POU2F1: variants seen among roughly 807,000 people sequenced by gnomAD.
The protein encoded by POU2F1 is POU class 2 homeobox 1.
A neutral mutation model predicts 84.9 loss-of-function variants in POU2F1; 16 were observed. The ratio of observed to expected loss-of-function variants is 0.19; its 90% CI spans 0.13 to 0.29. The LOEUF (loss-of-function observed/expected upper bound fraction) is 0.29, where lower values mean the gene tolerates loss of function less well. Among genes scored for constraint, POU2F1 ranks in the 10% least tolerant of loss-of-function variants. The pLI, the probability that POU2F1 is intolerant of heterozygous loss-of-function variation, is 1.00. For missense variants in POU2F1, 738 were observed against 942.6 expected (o/e 0.78, Z 2.84); for synonymous variants, 368 against 368.3 (o/e 1.00, Z 0.01).
At chr1:167,285,460 C>T (rs1653459522) in intron 1 of POU2F1, among the ~76,000 whole-genome samples, 1 of 152,102 alleles carries the variant, frequency 6.6e-6, no homozygotes, top group Non-Finnish European at 1.5e-5. Flanking sequence ...GGCGCAGCAG[C>T]AGGCGCCTGT....
At chr1:167,368,300 T>C (rs1488753555) in intron 3 of POU2F1, among the ~76,000 whole-genome samples, 5 of 152,058 alleles carry the variant, frequency 3.3e-5, no homozygotes, top group Non-Finnish European at 5.9e-5. Flanking sequence ...AAGTTATGCA[T>C]TTTTGAAAGG....
rs557139792 is a variant in POU2F1 at position 167,358,024 on chromosome 1, G to C, written c.128-7443G>C. Among the ~76,000 whole-genome samples, 14 of 151,324 alleles carry C rather than the reference G, an allele frequency of 9.3e-5. No individual in the cohort carries two copies. The East Asian group carries it at 2.7e-3, about 29-fold the overall frequency. On this transcript the variant is annotated intron_variant, in intron 2 of 15. Coordinates refer to ENST00000367866, the MANE Select transcript of POU2F1 (RefSeq NM_002697.4). ...TCACCGTGTTGGCCAGGATGGTCTC[G>C]ATCTCTTGACCTCGTGATCTGCCTG...
intron 1 of POU2F1, among the ~76,000 whole-genome samples, chr1:167,279,894 A>G (rs1652995749): frequency 6.6e-6 from 1 of 152,150 alleles, no homozygotes; most frequent in Non-Finnish European, 1.5e-5. Context: ...CTGACTTGAC[A>G]AAATGATTTG....
At chr1:167,241,498 T>G (rs1319655839) in intron 1 of POU2F1, 1 of 152,172 alleles carries the variant, frequency 6.6e-6, no homozygotes, top group Non-Finnish European at 1.5e-5. Context: ...AATTTTTCAG[T>G]GGATAAAGAA....
At chr1:167,345,506 G>A (rs1053343254) in intron 2 of POU2F1, among the ~76,000 whole-genome samples, 2 of 152,200 alleles carry the variant, frequency 1.3e-5, no homozygotes, top group Non-Finnish European at 2.9e-5. Flanking sequence ...TTGTAGCAAA[G>A]TGTCATAATC....
intron 8 of POU2F1, among the ~76,000 whole-genome samples, chr1:167,386,761 A>G (rs1015911804): frequency 1.3e-5 from 2 of 152,222 alleles, no homozygotes; most frequent in African/African-American, 4.8e-5. Context: ...TACTACATGA[A>G]AGAAGACATA....
chr1:167,292,494 A>G (rs1653996603), intron 1 of POU2F1, among the ~76,000 whole-genome samples: 1 of 151,594 alleles, frequency 6.6e-6, no homozygotes. Context: ...AAAAAAAAAA[A>G]AAACTTGCCA....
chr1:167,311,773 T>TTTAA (rs1655492748), intron 1 of POU2F1, among the ~76,000 whole-genome samples: 1 of 77,510 alleles, frequency 1.3e-5, no homozygotes, highest in African/African-American at 5.0e-5. Context: ...CAAAAAATCA[T>TTTAA]TTATTTATTT....
chr1:167,327,795 G>A (rs1656808795), intron 1 of POU2F1, among the ~76,000 whole-genome samples: 2 of 152,152 alleles, frequency 1.3e-5, no homozygotes, highest in South Asian at 4.1e-4. Context: ...CACAGATTCT[G>A]ATATCAGAAA....
chr1:167,322,928 G>T (rs1043198770), intron 1 of POU2F1, among the ~76,000 whole-genome samples: 1 of 152,226 alleles, frequency 6.6e-6, no homozygotes, highest in African/African-American at 2.4e-5. Context: ...CACTGGGTGA[G>T]CCAAGTGTTC....
At chr1:167,329,162 C>T (rs777801771) in intron 1 of POU2F1, 15 of 1,431,416 alleles carry the variant, frequency 1.0e-5, no homozygotes, top group South Asian at 7.0e-5. Flanking sequence ...CCCCTCTTTT[C>T]GCTTAAGAAC....
At chr1:167,250,743 T>C (rs1464437058) in intron 1 of POU2F1, among the ~76,000 whole-genome samples, 1 of 152,170 alleles carries the variant, frequency 6.6e-6, no homozygotes, top group Non-Finnish European at 1.5e-5. Flanking sequence ...AAGAAACATA[T>C]AAGGGCCCAG....
intron 1 of POU2F1, among the ~76,000 whole-genome samples, chr1:167,276,120 AATT>A: frequency 6.6e-6 from 1 of 152,318 alleles, no homozygotes; most frequent in Non-Finnish European, 1.5e-5. Flanking sequence ...TCCAAGACAT[AATT>A]TATAAGTTTT....
chr1:167,300,170 C>T (rs1654580870), intron 1 of POU2F1, among the ~76,000 whole-genome samples: 1 of 152,108 alleles, frequency 6.6e-6, no homozygotes, highest in African/African-American at 2.4e-5. Context: ...AAACAGAAAC[C>T]AAAATACCAC....
intron 1 of POU2F1, among the ~76,000 whole-genome samples, chr1:167,246,209 A>T (rs1332218387): frequency 6.6e-6 from 1 of 152,070 alleles, no homozygotes; most frequent in Non-Finnish European, 1.5e-5. Flanking sequence ...ATGAAGACCC[A>T]CCTAGGAGAT....
chr1:167,367,593 TC>T (rs1335468569), intron 3 of POU2F1, among the ~76,000 whole-genome samples: 1 of 152,154 alleles, frequency 6.6e-6, no homozygotes, highest in African/African-American at 2.4e-5. Flanking sequence ...ATTTTTAACT[TC>T]CTATTTTAAA....
At chr1:167,304,180 A>G (rs112622645) in intron 1 of POU2F1, among the ~76,000 whole-genome samples, 5 of 152,314 alleles carry the variant, frequency 3.3e-5, no homozygotes, top group African/African-American at 1.2e-4. Flanking sequence ...CTAAGAGAAT[A>G]AACAAACCAT....
chr1:167,320,262 A>G (rs751992038), intron 1 of POU2F1, among the ~76,000 whole-genome samples: 5 of 152,196 alleles, frequency 3.3e-5, no homozygotes, highest in Non-Finnish European at 7.3e-5. Flanking sequence ...TACAGCTACA[A>G]GTTTTGCTTT....
At chr1:167,301,060 G>A (rs550914912) in intron 1 of POU2F1, among the ~76,000 whole-genome samples, 18 of 152,288 alleles carry the variant, frequency 1.2e-4, no homozygotes, top group Admixed American at 2.0e-4. Context: ...GTGACCCACC[G>A]TGCCCAGCTG....
Sources: allele counts gnomAD v4.1 joint callset (sites outside exome capture counted in the v4.1 genomes callset), GRCh38; gene constraint gnomAD v4.1.1; transcripts MANE v1.5; gene names NCBI Gene and HGNC (gene_info 2026-07-23, HGNC 2026-07-21).